The following ZNF420 variants were observed in gnomAD, a reference collection of about 807,000 sequenced individuals.
ZNF420 encodes the protein zinc finger protein 420, also known as ATM and p53-associated KZNF protein.
Under a neutral mutation model 44.7 loss-of-function variants are expected in ZNF420, and 31 were observed. That is an observed-to-expected ratio of 0.69 (90% CI 0.52 to 0.94). The LOEUF (loss-of-function observed/expected upper bound fraction) is 0.94. ZNF420 is among the 40% of genes least tolerant of loss of function. ZNF420 has a pLI of 0.00. For synonymous variants in ZNF420, 245 were observed against 267.4 expected (o/e 0.92, Z 0.82); for missense variants, 681 against 827.9 (o/e 0.82, Z 2.18).
chr19:37,030,311 G>A (rs1384589230), intron 1 of ZNF420, among the ~76,000 whole-genome samples: 2 of 152,130 alleles, frequency 1.3e-5, no homozygotes, highest in African/African-American at 4.8e-5. Context: ...ACAGGCGTGT[G>A]CCAACACACC....
At chr19:37,034,395 T>C (rs1410785539) in intron 1 of ZNF420, among the ~76,000 whole-genome samples, 2 of 152,216 alleles carry the variant, frequency 1.3e-5, no homozygotes. Context: ...ATTCTTTATA[T>C]ATTCTGGATA....
intron 1 of ZNF420, among the ~76,000 whole-genome samples, chr19:37,013,870 T>TG (rs1179105570): frequency 6.6e-6 from 1 of 152,196 alleles, no homozygotes; most frequent in Non-Finnish European, 1.5e-5. Flanking sequence ...GTGGAGCAAA[T>TG]GCGACCACAC....
At chr19:37,087,767 T>A (rs551899301) in intron 2 of ZNF420, among the ~76,000 whole-genome samples, 10 of 152,308 alleles carry the variant, frequency 6.6e-5, no homozygotes, top group African/African-American at 7.2e-5. Flanking sequence ...TGCCTCAGCC[T>A]CCTGAGTAGC....
intron 2 of ZNF420, among the ~76,000 whole-genome samples, chr19:37,084,137 C>G (rs1968627130): frequency 6.6e-6 from 1 of 152,028 alleles, no homozygotes; most frequent in Non-Finnish European, 1.5e-5. Context: ...AGTATAACTA[C>G]TGAAAAACTC....
intron 4 of ZNF420, chr19:37,096,006 A>G (rs984855050): frequency 6.6e-6 from 1 of 152,228 alleles, no homozygotes; most frequent in African/African-American, 2.4e-5. Flanking sequence ...ATAAAATTCT[A>G]TACTGACAAT....
At chr19:37,081,051 T>C in intron 2 of ZNF420, among the ~76,000 whole-genome samples, 1 of 138,550 alleles carries the variant, frequency 7.2e-6, no homozygotes, top group African/African-American at 2.8e-5. Flanking sequence ...AGCGAGACTC[T>C]GTCTCAAAAA....
At chr19:37,044,589 G>C (rs1015027717) in intron 1 of ZNF420, among the ~76,000 whole-genome samples, 6 of 152,008 alleles carry the variant, frequency 3.9e-5, no homozygotes, top group Non-Finnish European at 7.4e-5. Context: ...TTCCAGGCCG[G>C]GTGCGGTGGC....
At chr19:37,087,293 AT>A (rs869221046) in intron 2 of ZNF420, among the ~76,000 whole-genome samples, 26,308 of 85,034 alleles carry the variant, frequency 0.31, 2,723 homozygotes, top group Middle Eastern at 0.35. Flanking sequence ...AAAAAAAAAA[AT>A]AAATAAATAA....
chr19:37,101,230 C>T (rs1969759912), intron 4 of ZNF420, among the ~76,000 whole-genome samples: 1 of 152,168 alleles, frequency 6.6e-6, no homozygotes. Flanking sequence ...CCTGGTATCT[C>T]ACGCCTGTAA....
chr19:37,129,126 A>T lies in ZNF420; in HGVS notation c.*68A>T, dbSNP rs574251112. ...TGTTAGCAGCAAAGAATTCTCACAA[A>T]TGTGAATATGGGCGCACATTTGCCT... On this transcript the variant is annotated 3_prime_UTR_variant, in exon 5 of 5. Transcript: ENST00000337995. 6.5e-7 allele frequency: 1 copy of T among 1,536,000 alleles called. No individual in the cohort carries two copies. Among genetic ancestry groups the T allele is most frequent in the East Asian group, 2.3e-5 (1 of 44,170 alleles).
Position 37,089,033 on chromosome 19 carries a change from C to G in ZNF420, c.-80-6C>G. The stretch of plus-strand genomic sequence containing the variant: ...TGGTCTCATGGTTCTGCTTTCTCCT[C>G]CGTAGCTCTGCATTCTCCAGACTCT... On this transcript the variant is annotated splice_region_variant and splice_polypyrimidine_tract_variant and intron_variant, in intron 2 of 4. Coordinates refer to ENST00000337995, the MANE Select transcript of ZNF420 (RefSeq NM_144689.5). 1 of 1,216,772 alleles carries G rather than the reference C, an allele frequency of 8.2e-7. No individual in the cohort carries two copies. Among genetic ancestry groups the G allele is most frequent in the South Asian group, 1.2e-5 (1 of 83,066 alleles). 75.4% of individuals were successfully genotyped at this position (1,216,772 alleles called of 1,614,324 possible). A position where few individuals can be genotyped will look rare whatever the true frequency, so the allele number is the denominator to read the frequency against.
In ZNF420 at chr19:37,127,556, C is replaced by T; in HGVS notation, c.565C>T (p.His189Tyr). 1 of 1,613,986 alleles carries T rather than the reference C, an allele frequency of 6.2e-7. No individual in the cohort carries two copies. The highest frequency in any genetic ancestry group is 8.5e-7 in the Non-Finnish European group (1 of 1,179,892). ...ACAACTCAGTCTTCATCAGAGACTT[C>T]ATACTGGTGAGAAACCCTATGCATG... The part of the protein sequence containing the change: ...DSQLSLHQRL[H>Y]TGEKPYACKE... Residue 189 changes from histidine to tyrosine, a missense_variant, in exon 5 of 5, where the codon CAT becomes TAT. Around this residue, in one of 3 missense-constraint regions of ZNF420, gnomAD observed 350 missense variants for 382.5 expected, o/e 0.92. Coordinates refer to ENST00000337995, the MANE Select transcript of ZNF420 (RefSeq NM_144689.5).
At chr19:37,109,880 G>T (rs1970292609) in intron 4 of ZNF420, 1 of 152,102 alleles carries the variant, frequency 6.6e-6, no homozygotes. Context: ...AAAATTTAAA[G>T]TATAGAGTGC....
intron 4 of ZNF420, among the ~76,000 whole-genome samples, chr19:37,110,682 A>ATCTATC (rs1970340649): frequency 6.6e-6 from 1 of 152,050 alleles, no homozygotes; most frequent in South Asian, 2.1e-4. Context: ...AGATTGATCA[A>ATCTATC]AATCTTATAA....
At chr19:37,107,324 C>T (rs527690862) in intron 4 of ZNF420, 83 of 152,356 alleles carry the variant, frequency 5.4e-4, no homozygotes, top group African/African-American at 1.9e-3. Context: ...GTATTGTGTC[C>T]TGGGTACTTG....
chr19:37,078,995 G>A (rs1346709007), intron 1 of ZNF420, among the ~76,000 whole-genome samples: 1 of 152,156 alleles, frequency 6.6e-6, no homozygotes, highest in Non-Finnish European at 1.5e-5. Context: ...GTGACACGGT[G>A]TTTATTACCG....
chr19:37,032,388 C>G (rs1225262484), intron 1 of ZNF420, among the ~76,000 whole-genome samples: 1 of 151,806 alleles, frequency 6.6e-6, no homozygotes, highest in Non-Finnish European at 1.5e-5. Flanking sequence ...ACCTGTAATC[C>G]CAGGTACTTC....
intron 1 of ZNF420, among the ~76,000 whole-genome samples, chr19:37,030,435 A>G (rs1197810900): frequency 6.6e-6 from 1 of 152,212 alleles, no homozygotes; most frequent in Admixed American, 6.5e-5. Context: ...TGCTAGGATT[A>G]CAGGCGTGAC....
intron 1 of ZNF420, among the ~76,000 whole-genome samples, chr19:37,054,005 AC>A (rs1967693321): frequency 2.0e-5 from 3 of 152,296 alleles, no homozygotes; most frequent in Admixed American, 6.5e-5. Flanking sequence ...GGTGGGCTCC[AC>A]CCAGTTGGAG....
Sources: allele counts gnomAD v4.1 joint callset (sites outside exome capture counted in the v4.1 genomes callset), GRCh38; gene constraint gnomAD v4.1.1; regional missense constraint gnomAD v4.1.1; transcripts MANE v1.5; gene names NCBI Gene and HGNC (gene_info 2026-07-23, HGNC 2026-07-21).